Variants in TUSC3 observed in about 807,000 individuals in gnomAD.
The protein encoded by TUSC3 is dolichyl-diphosphooligosaccharide--protein glycosyltransferase subunit TUSC3.
Under a neutral mutation model 44.8 loss-of-function variants are expected in TUSC3, and 45 were observed. That is an observed-to-expected ratio of 1.00 (90% confidence interval 0.79 to 1.29). TUSC3 has a LOEUF of 1.29. Ranked by LOEUF, TUSC3 falls within the 50% of genes most tolerant of loss-of-function variation. The pLI, the probability that TUSC3 is intolerant of heterozygous loss-of-function variation, is 0.00. For synonymous variants in TUSC3, 212 were observed against 152.9 expected (o/e 1.39, Z -2.85); for missense variants, 519 against 437.9 (o/e 1.19, Z -1.65).
chr8:15,773,184 T>C, the TUSC3 span, among the ~76,000 whole-genome samples: 1 of 152,278 alleles, frequency 6.6e-6, no homozygotes, highest in African/African-American at 2.4e-5. Flanking sequence ...AAGGAAGACA[T>C]AATGCTTACT....
intron 2 of TUSC3, among the ~76,000 whole-genome samples, chr8:15,628,274 A>G (rs886730188): frequency 1.3e-5 from 2 of 152,316 alleles, no homozygotes; most frequent in African/African-American, 4.8e-5. Context: ...GTTACATATA[A>G]TTATATGTAC....
chr8:15,775,178 T>A, the TUSC3 span, among the ~76,000 whole-genome samples: 3 of 152,092 alleles, frequency 2.0e-5, no homozygotes, highest in African/African-American at 7.2e-5. Flanking sequence ...TGAGTGAACT[T>A]TGAAAACAAG....
intron 1 of TUSC3, among the ~76,000 whole-genome samples, chr8:15,422,073 C>T (rs1483853891): frequency 6.6e-6 from 1 of 152,116 alleles, no homozygotes; most frequent in Non-Finnish European, 1.5e-5. Context: ...CTTTTCTTTA[C>T]CCATCTTTCT....
the TUSC3 span, among the ~76,000 whole-genome samples, chr8:15,850,376 G>C: frequency 6.6e-6 from 1 of 151,950 alleles, no homozygotes; most frequent in African/African-American, 2.4e-5. Flanking sequence ...TATATAAATG[G>C]CTATTCCAAT....
At chr8:15,633,723 CT>C (rs1346057987) in intron 2 of TUSC3, among the ~76,000 whole-genome samples, 1 of 152,152 alleles carries the variant, frequency 6.6e-6, no homozygotes, top group African/African-American at 2.4e-5. Context: ...TCATCAGAAG[CT>C]AGGAAGAGGC....
chr8:15,477,983 A>C (rs1800603588), intron 1 of TUSC3, among the ~76,000 whole-genome samples: 1 of 152,084 alleles, frequency 6.6e-6, no homozygotes, highest in Non-Finnish European at 1.5e-5. Flanking sequence ...TTTTTGACAC[A>C]GTCTCGTTCT....
intron 1 of TUSC3, among the ~76,000 whole-genome samples, chr8:15,589,242 A>G: frequency 6.6e-6 from 1 of 152,164 alleles, no homozygotes; most frequent in African/African-American, 2.4e-5. Context: ...GCATACGTCC[A>G]GATCTTGTGT....
At chr8:15,823,252 C>G in the TUSC3 span, among the ~76,000 whole-genome samples, 1 of 152,246 alleles carries the variant, frequency 6.6e-6, no homozygotes, top group South Asian at 2.1e-4. Context: ...AGTGGAGGCT[C>G]TATCATAGTC....
the TUSC3 span, among the ~76,000 whole-genome samples, chr8:15,851,359 C>T: frequency 5.3e-5 from 8 of 152,028 alleles, no homozygotes; most frequent in Non-Finnish European, 7.4e-5. Flanking sequence ...GGACAATGTA[C>T]AATAGGTAAT....
At chr8:15,819,094 T>C in the TUSC3 span, among the ~76,000 whole-genome samples, 1 of 152,058 alleles carries the variant, frequency 6.6e-6, no homozygotes, top group Non-Finnish European at 1.5e-5. Flanking sequence ...CTGGAGAAAA[T>C]TCACAGCATT....
chr8:15,665,083 A>G (rs1280558824), intron 5 of TUSC3, among the ~76,000 whole-genome samples: 3 of 151,634 alleles, frequency 2.0e-5, no homozygotes, highest in Non-Finnish European at 4.4e-5. Context: ...TAAAATAACT[A>G]ATATCTCATT....
chr8:15,610,743 G>T (rs1804726567), intron 1 of TUSC3, among the ~76,000 whole-genome samples: 1 of 152,094 alleles, frequency 6.6e-6, no homozygotes, highest in Admixed American at 6.6e-5. Flanking sequence ...CTATATTAGA[G>T]CGTAAAAGTT....
At chr8:15,725,834 A>G (rs1174751857) in intron 6 of TUSC3, among the ~76,000 whole-genome samples, 1 of 152,150 alleles carries the variant, frequency 6.6e-6, no homozygotes, top group African/African-American at 2.4e-5. Context: ...TTTATAAAGT[A>G]CTGCACTACA....
chr8:15,806,366 C>T, the TUSC3 span: 1 of 735,136 alleles, frequency 1.4e-6, no homozygotes. Context: ...ATTCCAGGTA[C>T]TTGCCCAACT....
intron 2 of TUSC3, among the ~76,000 whole-genome samples, chr8:15,530,503 G>A (rs900175430): frequency 6.6e-6 from 1 of 152,146 alleles, no homozygotes; most frequent in African/African-American, 2.4e-5. Flanking sequence ...TACAAATAAA[G>A]AAACTGAGCA....
chr8:15,435,294 G>A (rs922879310), intron 1 of TUSC3, among the ~76,000 whole-genome samples: 2 of 152,118 alleles, frequency 1.3e-5, no homozygotes, highest in Admixed American at 6.5e-5. Context: ...CAGTGATGAT[G>A]AGCATTTTTT....
At chr8:15,818,909 G>C in the TUSC3 span, among the ~76,000 whole-genome samples, 1 of 152,076 alleles carries the variant, frequency 6.6e-6, no homozygotes, top group Non-Finnish European at 1.5e-5. Context: ...CTTGTAATAA[G>C]ACAAGTCAAT....
At chr8:15,831,747 A>C in the TUSC3 span, among the ~76,000 whole-genome samples, 1 of 152,208 alleles carries the variant, frequency 6.6e-6, no homozygotes, top group Admixed American at 6.5e-5. Context: ...ATAGAGAAAA[A>C]AGAATGAAAA....
At chr8:15,651,199 C>T (rs1355191032) in intron 3 of TUSC3, among the ~76,000 whole-genome samples, 3 of 152,060 alleles carry the variant, frequency 2.0e-5, no homozygotes, top group Admixed American at 6.5e-5. Context: ...AGCATGCAGT[C>T]GCAGTTTACA....
Sources: allele counts gnomAD v4.1 joint callset (sites outside exome capture counted in the v4.1 genomes callset), GRCh38; gene constraint gnomAD v4.1.1; transcripts MANE v1.5; gene names NCBI Gene and HGNC (gene_info 2026-07-23, HGNC 2026-07-21).